C1orf21: variants seen among roughly 807,000 people sequenced by gnomAD.
C1orf21 encodes the protein chromosome 1 open reading frame 21, also known as uncharacterized protein C1orf21.
In C1orf21, 3 loss-of-function variants were observed where a neutral mutation model predicts 18.7. That is an observed-to-expected ratio of 0.16 (90% confidence interval 0.07 to 0.42). The LOEUF (loss-of-function observed/expected upper bound fraction) is 0.42. Among genes scored for constraint, C1orf21 ranks in the 10% least tolerant of loss-of-function variants. The pLI, the probability that C1orf21 is intolerant of heterozygous loss-of-function variation, is 0.99. For missense variants in C1orf21, 104 were observed against 143.6 expected (o/e 0.72, Z 1.41); for synonymous variants, 41 against 46.4 (o/e 0.88, Z 0.47).
At chr1:184,444,264 G>C (rs1025252191) in intron 1 of C1orf21, among the ~76,000 whole-genome samples, 30 of 152,268 alleles carry the variant, frequency 2.0e-4, no homozygotes, top group Middle Eastern at 3.4e-3. Context: ...TGGTTTAGCT[G>C]TGTCCCCACC....
At chr1:184,512,419 C>T (rs930662368) in intron 3 of C1orf21, among the ~76,000 whole-genome samples, 3 of 152,162 alleles carry the variant, frequency 2.0e-5, no homozygotes, top group Non-Finnish European at 4.4e-5. Context: ...GTCTCTTGAG[C>T]CTCTTGACAT....
intron 1 of C1orf21, among the ~76,000 whole-genome samples, chr1:184,428,823 G>C (rs1195491823): frequency 6.6e-6 from 1 of 152,090 alleles, no homozygotes; most frequent in African/African-American, 2.4e-5. Flanking sequence ...AGCTGAACCT[G>C]GGATGAGATT....
chr1:184,395,282 A>T (rs1424780948), intron 1 of C1orf21, among the ~76,000 whole-genome samples: 1 of 152,146 alleles, frequency 6.6e-6, no homozygotes, highest in East Asian at 1.9e-4. Context: ...TTATTGATTG[A>T]TTGACAGCTT....
At chr1:184,435,983 G>T (rs74131673) in intron 1 of C1orf21, among the ~76,000 whole-genome samples, 1 of 152,136 alleles carries the variant, frequency 6.6e-6, no homozygotes, top group Admixed American at 6.5e-5. Flanking sequence ...TGCCATTGCT[G>T]TGGGGTCAGA....
chr1:184,575,165 A>G (rs988973470), intron 3 of C1orf21, among the ~76,000 whole-genome samples: 6 of 152,218 alleles, frequency 3.9e-5, no homozygotes, highest in Non-Finnish European at 8.8e-5. Context: ...TCTATTGCTA[A>G]ATACCGTATT....
intron 1 of C1orf21, among the ~76,000 whole-genome samples, chr1:184,390,342 A>AAC (rs2101951774): frequency 1.3e-5 from 2 of 152,334 alleles, no homozygotes; most frequent in Admixed American, 1.3e-4. Context: ...CACATGGGTA[A>AAC]GCTTCAGACT....
chr1:184,485,614 G>A (rs1227068739), intron 2 of C1orf21, among the ~76,000 whole-genome samples: 1 of 151,992 alleles, frequency 6.6e-6, no homozygotes. Context: ...GTGAGCACTA[G>A]GTGTGTACAC....
At chr1:184,454,802 C>CT (rs968658433) in intron 1 of C1orf21, among the ~76,000 whole-genome samples, 2 of 152,124 alleles carry the variant, frequency 1.3e-5, no homozygotes, top group Admixed American at 1.3e-4. Context: ...GCCTGTGGAA[C>CT]TGTGAGCCAA....
At chr1:184,474,518 T>C in intron 1 of C1orf21, among the ~76,000 whole-genome samples, 1 of 152,238 alleles carries the variant, frequency 6.6e-6, no homozygotes, top group East Asian at 1.9e-4. Context: ...AACACAACTT[T>C]TAAAACACAG....
chr1:184,529,731 A>G (rs73046713), intron 3 of C1orf21, among the ~76,000 whole-genome samples: 2,128 of 152,342 alleles, frequency 0.014, 43 homozygotes, highest in African/African-American at 0.045. Context: ...ATCAGAAGAC[A>G]GCAGTGGAAG....
chr1:184,500,370 C>T lies in C1orf21; in HGVS notation c.95-7218C>T, dbSNP rs1285654619. ...TGATGAAATGATTCAGGAATGGGGCCTGCAGGTCCTGGACCTCTTAATTAT... is the reference window on the plus strand; with the variant it reads ...TGATGAAATGATTCAGGAATGGGGCTTGCAGGTCCTGGACCTCTTAATTAT... On this transcript the variant is annotated intron_variant, in intron 2 of 5. Coordinates refer to ENST00000235307, the MANE Select transcript of C1orf21 (RefSeq NM_030806.4). 5.3e-5 allele frequency among the ~76,000 whole-genome samples: 8 copies of T among 152,278 alleles called. No individual in the cohort carries two copies. In the East Asian group the frequency reaches 1.4e-3, roughly 26 times the overall value.
chr1:184,498,932 A>G (rs1323768450), intron 2 of C1orf21, among the ~76,000 whole-genome samples: 1 of 152,224 alleles, frequency 6.6e-6, no homozygotes, highest in Admixed American at 6.5e-5. Flanking sequence ...ATGTACAGCT[A>G]GATAACTGTG....
intron 1 of C1orf21, among the ~76,000 whole-genome samples, chr1:184,392,653 C>T (rs1655989368): frequency 6.6e-6 from 1 of 152,148 alleles, no homozygotes; most frequent in Non-Finnish European, 1.5e-5. Context: ...TGAGCCCACT[C>T]AGGCTCCCAG....
At chr1:184,577,350 GC>G (rs1659206662) in intron 3 of C1orf21, among the ~76,000 whole-genome samples, 2 of 152,000 alleles carry the variant, frequency 1.3e-5, no homozygotes, top group South Asian at 2.1e-4. Flanking sequence ...ATGTGTAGAA[GC>G]TAGAAAGGCA....
At chr1:184,548,450 T>C (rs1211216946) in intron 3 of C1orf21, among the ~76,000 whole-genome samples, 1 of 145,014 alleles carries the variant, frequency 6.9e-6, no homozygotes, top group African/African-American at 2.6e-5. Context: ...AGTCTCCCTC[T>C]GTCGCCCAGG....
intron 1 of C1orf21, among the ~76,000 whole-genome samples, chr1:184,392,718 C>G (rs1655991784): frequency 6.6e-6 from 1 of 151,952 alleles, no homozygotes; most frequent in African/African-American, 2.4e-5. Flanking sequence ...GCTTTGGCCT[C>G]TTAGTCCACC....
At chr1:184,417,706 G>A (rs1428645521) in intron 1 of C1orf21, among the ~76,000 whole-genome samples, 1 of 152,202 alleles carries the variant, frequency 6.6e-6, no homozygotes, top group Non-Finnish European at 1.5e-5. Context: ...GAATCAGGCA[G>A]TTTCAAACAT....
At chr1:184,573,965 T>C (rs1659149490) in intron 3 of C1orf21, among the ~76,000 whole-genome samples, 1 of 151,888 alleles carries the variant, frequency 6.6e-6, no homozygotes, top group Non-Finnish European at 1.5e-5. Flanking sequence ...GAGGCCGAGG[T>C]AGGCAGATCA....
intron 2 of C1orf21, among the ~76,000 whole-genome samples, chr1:184,497,739 G>C (rs1657913542): frequency 6.6e-6 from 1 of 152,160 alleles, no homozygotes; most frequent in Non-Finnish European, 1.5e-5. Flanking sequence ...TGCAGCCACT[G>C]AATTCTTTCT....
Sources: allele counts gnomAD v4.1 joint callset (sites outside exome capture counted in the v4.1 genomes callset), GRCh38; gene constraint gnomAD v4.1.1; transcripts MANE v1.5; gene names NCBI Gene and HGNC (gene_info 2026-07-23, HGNC 2026-07-21).